Variants in ANK2 observed in about 807,000 individuals in gnomAD.
The protein encoded by ANK2 is ankyrin-2.
A neutral mutation model predicts 360.5 loss-of-function variants in ANK2; 83 were observed. The ratio of observed to expected loss-of-function variants is 0.23; its 90% CI spans 0.19 to 0.28. ANK2 has a LOEUF of 0.28. Ranked by LOEUF, ANK2 falls within the 10% of genes least tolerant of loss-of-function variation. ANK2 has a pLI of 1.00. For synonymous variants in ANK2, 1,740 were observed against 1,759.5 expected (o/e 0.99, Z 0.28); for missense variants, 4,201 against 4,795.7 (o/e 0.88, Z 3.66).
At chr4:112,754,329 C>T in the ANK2 span, among the ~76,000 whole-genome samples, 1,124 of 151,046 alleles carry the variant, frequency 7.4e-3, 17 homozygotes, top group African/African-American at 0.026. Context: ...TTCTGGGCCC[C>T]GGTTTCCTTT....
chr4:113,192,530 T>G (rs2098684933), intron 2 of ANK2, among the ~76,000 whole-genome samples: 3 of 152,182 alleles, frequency 2.0e-5, no homozygotes, highest in Admixed American at 1.3e-4. Context: ...TCTGAAATAC[T>G]GGTTTAGCAT....
At chr4:112,992,990 A>G (rs893381829) in intron 2 of ANK2, among the ~76,000 whole-genome samples, 6 of 152,138 alleles carry the variant, frequency 3.9e-5, no homozygotes, top group African/African-American at 1.4e-4. Context: ...TATTTAAAAT[A>G]TTTAGTGTGG....
intron 1 of ANK2, among the ~76,000 whole-genome samples, chr4:113,056,005 T>C (rs772314510): frequency 1.2e-4 from 19 of 152,186 alleles, no homozygotes; most frequent in Non-Finnish European, 2.1e-4. Flanking sequence ...CTATCTATGA[T>C]ACTCTCCCAA....
intron 14 of ANK2, among the ~76,000 whole-genome samples, chr4:113,273,931 A>G (rs548343913): frequency 6.6e-6 from 1 of 152,312 alleles, no homozygotes; most frequent in South Asian, 2.1e-4. Context: ...AAACCAGATT[A>G]CAATATCTTC....
At chr4:113,103,207 G>A (rs1482366183) in intron 1 of ANK2, among the ~76,000 whole-genome samples, 3 of 152,086 alleles carry the variant, frequency 2.0e-5, no homozygotes, top group African/African-American at 7.2e-5. Flanking sequence ...ATAATCCTTA[G>A]CATAAAATGA....
At chr4:113,111,787 A>C (rs1236672960) in intron 1 of ANK2, among the ~76,000 whole-genome samples, 1 of 152,228 alleles carries the variant, frequency 6.6e-6, no homozygotes, top group African/African-American at 2.4e-5. Flanking sequence ...TATTAGTTTC[A>C]AACTTGGGCT....
chr4:112,940,420 T>G (rs2094121625), intron 2 of ANK2, among the ~76,000 whole-genome samples: 16 of 152,096 alleles, frequency 1.1e-4, no homozygotes, highest in Admixed American at 1.0e-3. Context: ...GGACACACAA[T>G]AAAAGGAGCT....
chr4:113,048,917 GACACACACACACAC>G (rs55814667), upstream of ANK2, among the ~76,000 whole-genome samples: 851 of 139,324 alleles, frequency 6.1e-3, 16 homozygotes, highest in East Asian at 0.047. Flanking sequence ...CCCCTACCCA[GACACACACACACAC>G]ACACACACAC....
At chr4:112,911,188 CT>C (rs751581640) in intron 2 of ANK2, among the ~76,000 whole-genome samples, 27 of 73,996 alleles carry the variant, frequency 3.6e-4, no homozygotes, top group South Asian at 6.4e-4. Context: ...CAAGATGGTG[CT>C]TTTTTTTTTT....
chr4:113,119,072 A>C (rs2095132108), intron 1 of ANK2, among the ~76,000 whole-genome samples: 1 of 152,194 alleles, frequency 6.6e-6, no homozygotes, highest in Non-Finnish European at 1.5e-5. Context: ...TGAGAATCTC[A>C]GTTGCTTGGA....
intron 2 of ANK2, among the ~76,000 whole-genome samples, chr4:112,954,679 TA>T (rs1210225477): frequency 1.3e-5 from 2 of 152,172 alleles, no homozygotes; most frequent in African/African-American, 4.8e-5. Context: ...TAGCAAAATA[TA>T]AATATATTCT....
At chr4:113,154,447 T>C (rs1029650803) in intron 1 of ANK2, among the ~76,000 whole-genome samples, 8 of 152,188 alleles carry the variant, frequency 5.3e-5, no homozygotes, top group Non-Finnish European at 8.8e-5. Flanking sequence ...AATGATCTGA[T>C]CCTTCCTTGG....
intron 24 of ANK2, chr4:113,317,470 A>T (rs191342832): frequency 1.8e-6 from 1 of 546,350 alleles, no homozygotes; most frequent in African/African-American, 1.9e-5. Context: ...AGGAGTATCA[A>T]ATTTTAACTT....
At chr4:112,923,425 T>C (rs1434348348) in intron 2 of ANK2, among the ~76,000 whole-genome samples, 1 of 152,056 alleles carries the variant, frequency 6.6e-6, no homozygotes, top group Non-Finnish European at 1.5e-5. Context: ...ATTATAAAGC[T>C]AAATGTTGCT....
chr4:113,183,138 T>G (rs116526399), intron 2 of ANK2, among the ~76,000 whole-genome samples: 196 of 152,066 alleles, frequency 1.3e-3, no homozygotes, highest in African/African-American at 4.5e-3. Context: ...GGGAGCTGGT[T>G]GTGGGGTGGA....
chr4:112,894,673 T>C (rs1387361019), intron 1 of ANK2, among the ~76,000 whole-genome samples: 1 of 152,206 alleles, frequency 6.6e-6, no homozygotes, highest in African/African-American at 2.4e-5. Context: ...TCATTTTTTA[T>C]TGGGAGCATG....
the ANK2 span, among the ~76,000 whole-genome samples, chr4:112,759,167 G>A: frequency 3.3e-5 from 5 of 151,872 alleles, no homozygotes; most frequent in African/African-American, 1.2e-4. Context: ...ACAGGGTCTC[G>A]CTCTGTCACC....
At chr4:113,287,730 G>T in intron 19 of ANK2, 27 bp downstream of exon 19, 1 of 1,571,686 alleles carries the variant, frequency 6.4e-7, no homozygotes, top group Non-Finnish European at 8.7e-7. Flanking sequence ...TCAGTATTGT[G>T]ACAGGTTCTG....
intron 2 of ANK2, among the ~76,000 whole-genome samples, chr4:112,921,174 G>A (rs1248762842): frequency 6.7e-6 from 1 of 149,580 alleles, no homozygotes; most frequent in Non-Finnish European, 1.5e-5. Context: ...CTACAGGCGT[G>A]TGCCACGCCA....
Sources: gnomAD v4.1 joint callset for allele counts (sites outside exome capture counted in the v4.1 genomes callset) on GRCh38, gnomAD v4.1.1 for gene constraint, MANE v1.5 for transcripts, NCBI Gene and HGNC (gene_info 2026-07-23, HGNC 2026-07-21) for gene names.